The following PRKCB variants were observed in gnomAD, a reference collection of about 807,000 sequenced individuals.
The protein encoded by PRKCB is protein kinase C beta type.
Under a neutral mutation model 81.5 loss-of-function variants are expected in PRKCB, and 13 were observed. The observed-to-expected ratio is 0.16, with a 90% CI of 0.10 to 0.25. The LOEUF (loss-of-function observed/expected upper bound fraction) is 0.25. PRKCB is among the 10% of genes least tolerant of loss of function. The pLI is 1.00. For missense variants in PRKCB, 509 were observed against 875.7 expected (o/e 0.58, Z 5.29); for synonymous variants, 335 against 321.4 (o/e 1.04, Z -0.45).
chr16:24,076,640 G>A (rs1026120475), intron 5 of PRKCB, among the ~76,000 whole-genome samples: 6 of 152,198 alleles, frequency 3.9e-5, no homozygotes, highest in African/African-American at 7.2e-5. Flanking sequence ...TGCAAAGTGG[G>A]AGAAACAGGC....
At chr16:24,160,885 G>A (rs1406666735) in intron 10 of PRKCB, among the ~76,000 whole-genome samples, 1 of 152,156 alleles carries the variant, frequency 6.6e-6, no homozygotes, top group African/African-American at 2.4e-5. Flanking sequence ...AGCAGGAAGA[G>A]TGAGTGTGAA....
chr16:24,124,332 G>T (rs1372670464), intron 9 of PRKCB, among the ~76,000 whole-genome samples: 3 of 152,142 alleles, frequency 2.0e-5, no homozygotes, highest in African/African-American at 7.2e-5. Flanking sequence ...ATCAGAAGGT[G>T]TTGGGGCAAA....
chr16:24,150,290 C>G (rs1967059671), intron 9 of PRKCB, among the ~76,000 whole-genome samples: 1 of 152,092 alleles, frequency 6.6e-6, no homozygotes, highest in Non-Finnish European at 1.5e-5. Flanking sequence ...CCACTGCACC[C>G]CAGCCTGGGC....
intron 15 of PRKCB, among the ~76,000 whole-genome samples, chr16:24,189,117 G>GA (rs1967749242): frequency 6.6e-6 from 1 of 152,024 alleles, no homozygotes; most frequent in Non-Finnish European, 1.5e-5. Context: ...AAATTCCTGA[G>GA]AAAACCACGT....
intron 2 of PRKCB, among the ~76,000 whole-genome samples, chr16:23,847,041 T>C: frequency 6.6e-6 from 1 of 152,092 alleles, no homozygotes. Flanking sequence ...AGAGCTCTGA[T>C]CCACTCCTAT....
intron 2 of PRKCB, among the ~76,000 whole-genome samples, chr16:23,882,568 C>T (rs892829970): frequency 1.3e-5 from 2 of 152,082 alleles, no homozygotes; most frequent in African/African-American, 4.8e-5. Context: ...GTGTAATGCC[C>T]TCAGAGTTCA....
chr16:24,150,879 T>C (rs1967070090), intron 9 of PRKCB, among the ~76,000 whole-genome samples: 1 of 152,254 alleles, frequency 6.6e-6, no homozygotes, highest in Admixed American at 6.5e-5. Flanking sequence ...GCCTTATGCA[T>C]GCCCGTTCTG....
At chr16:24,078,237 G>A (rs537093471) in intron 5 of PRKCB, among the ~76,000 whole-genome samples, 16 of 152,344 alleles carry the variant, frequency 1.1e-4, no homozygotes, top group Admixed American at 4.6e-4. Flanking sequence ...CCGCTGCAGC[G>A]TGGGAGAGGG....
At chr16:23,898,210 C>T (rs915436273) in intron 2 of PRKCB, among the ~76,000 whole-genome samples, 4 of 152,052 alleles carry the variant, frequency 2.6e-5, no homozygotes, top group African/African-American at 4.8e-5. Flanking sequence ...GAACTACAGG[C>T]GCCCACCACC....
intron 2 of PRKCB, among the ~76,000 whole-genome samples, chr16:23,867,893 T>C (rs959241455): frequency 2.0e-5 from 3 of 152,142 alleles, no homozygotes; most frequent in African/African-American, 4.8e-5. Flanking sequence ...TAGAGAGAAG[T>C]CTTTAATTAT....
chr16:24,090,969 T>C (rs1567370775), intron 5 of PRKCB, among the ~76,000 whole-genome samples: 1 of 152,206 alleles, frequency 6.6e-6, no homozygotes, highest in Non-Finnish European at 1.5e-5. Context: ...GTGGATATTT[T>C]TCCAGCCTTT....
At chr16:24,119,546 T>C (rs1477072802) in intron 8 of PRKCB, among the ~76,000 whole-genome samples, 1 of 151,946 alleles carries the variant, frequency 6.6e-6, no homozygotes, top group Non-Finnish European at 1.5e-5. Flanking sequence ...GTGAATCAGA[T>C]GGGTCCTGAG....
chr16:23,945,790 AC>A (rs1315778084), intron 2 of PRKCB, among the ~76,000 whole-genome samples: 1 of 152,066 alleles, frequency 6.6e-6, no homozygotes, highest in Non-Finnish European at 1.5e-5. Context: ...ACAATGAACA[AC>A]CCTGGTATGC....
intron 3 of PRKCB, among the ~76,000 whole-genome samples, chr16:24,000,001 G>A (rs970963566): frequency 6.6e-6 from 1 of 152,164 alleles, no homozygotes; most frequent in Admixed American, 6.5e-5. Flanking sequence ...GCTCTGACTT[G>A]TTCATATGGT....
At chr16:23,966,692 T>C (rs985135742) in intron 2 of PRKCB, among the ~76,000 whole-genome samples, 3 of 152,192 alleles carry the variant, frequency 2.0e-5, no homozygotes, top group Non-Finnish European at 2.9e-5. Context: ...CATGAGTGAA[T>C]TGAATCAGGT....
At chr16:23,924,397 G>A (rs1963868782) in intron 2 of PRKCB, among the ~76,000 whole-genome samples, 1 of 152,020 alleles carries the variant, frequency 6.6e-6, no homozygotes, top group Admixed American at 6.6e-5. Flanking sequence ...TAATACGCAT[G>A]GCCATGCCTA....
intron 3 of PRKCB, among the ~76,000 whole-genome samples, chr16:23,997,341 A>C (rs1465692476): frequency 1.3e-5 from 2 of 152,240 alleles, no homozygotes; most frequent in African/African-American, 4.8e-5. Context: ...ATCAATGAAA[A>C]ACTACAACAA....
At chr16:24,129,611 T>A (rs1207670937) in intron 9 of PRKCB, among the ~76,000 whole-genome samples, 2 of 152,048 alleles carry the variant, frequency 1.3e-5, no homozygotes, top group African/African-American at 4.8e-5. Flanking sequence ...CTACCCATCA[T>A]CTATCTATCA....
chr16:24,218,479 C>G lies in PRKCB; in HGVS notation c.*3663C>G. The G allele has an allele frequency of 4.1e-6, 4 of 985,468 alleles. No individual in the cohort carries two copies. Among genetic ancestry groups the G allele is most frequent in the Non-Finnish European group, 4.8e-6 (4 of 829,972 alleles). The allele number at this position is 985,468 out of a possible 1,614,324, so 61.0% of individuals were successfully genotyped here. A position where few individuals can be genotyped will look rare whatever the true frequency, so the allele number is the denominator to read the frequency against. On this transcript the variant is annotated 3_prime_UTR_variant, in exon 17 of 17. Transcript: ENST00000643927. ...GCCTGCCCCACTCTAGCCACACATA[C>G]CCACGTGTGCTCCTGAGTTCAGTGT...
Sources: allele counts gnomAD v4.1 joint callset (sites outside exome capture counted in the v4.1 genomes callset), GRCh38; gene constraint gnomAD v4.1.1; transcripts MANE v1.5; gene names NCBI Gene and HGNC (gene_info 2026-07-23, HGNC 2026-07-21).